Variants in HTR4 observed in about 807,000 individuals in gnomAD.
HTR4 encodes the protein 5-hydroxytryptamine (serotonin) receptor 4, G protein-coupled.
A neutral mutation model predicts 36.8 loss-of-function variants in HTR4; 16 were observed. That is an observed-to-expected ratio of 0.43 (90% CI 0.29 to 0.66). The LOEUF is 0.66. Among genes scored for constraint, HTR4 ranks in the 30% least tolerant of loss-of-function variants. The probability of loss-of-function intolerance (pLI) is 0.13; values close to 1 mark genes in which losing one functional copy is unlikely to be tolerated. For missense variants in HTR4, 438 were observed against 490.9 expected (o/e 0.89, Z 1.02); for synonymous variants, 189 against 185.1 (o/e 1.02, Z -0.17).
chr5:148,474,863 C>T (rs1231239978), downstream of HTR4, among the ~76,000 whole-genome samples: 2 of 151,972 alleles, frequency 1.3e-5, no homozygotes, highest in Admixed American at 6.6e-5. Flanking sequence ...CTGGGCAACA[C>T]GGTGAAACCC....
chr5:148,653,974 C>T, intron 1 of HTR4, 88 bp downstream of exon 1: 1 of 848,220 alleles, frequency 1.2e-6, no homozygotes, highest in South Asian at 5.3e-5. Flanking sequence ...AGCCCCCGAC[C>T]CCGTCGTGCT....
downstream of HTR4, among the ~76,000 whole-genome samples, chr5:148,479,640 A>T (rs1581355382): frequency 6.6e-6 from 1 of 152,340 alleles, no homozygotes; most frequent in African/African-American, 2.4e-5. Context: ...CCATGTAAAC[A>T]AAGTTAGAAT....
At chr5:148,574,695 A>G (rs1760820327) in intron 2 of HTR4, among the ~76,000 whole-genome samples, 1 of 151,994 alleles carries the variant, frequency 6.6e-6, no homozygotes, top group African/African-American at 2.4e-5. Context: ...TCACACCACC[A>G]CTACTTGCTG....
At chr5:148,552,649 C>A (rs551916038) in intron 2 of HTR4, among the ~76,000 whole-genome samples, 24 of 152,308 alleles carry the variant, frequency 1.6e-4, no homozygotes, top group African/African-American at 5.5e-4. Flanking sequence ...TGTACCACAG[C>A]CAACAAACAT....
At chr5:148,588,826 G>A (rs918310969) in intron 2 of HTR4, among the ~76,000 whole-genome samples, 1 of 151,568 alleles carries the variant, frequency 6.6e-6, no homozygotes, top group Non-Finnish European at 1.5e-5. Flanking sequence ...AGGCGTGAGG[G>A]TTTTAATTCT....
intron 2 of HTR4, among the ~76,000 whole-genome samples, chr5:148,589,944 A>T (rs1761494922): frequency 6.6e-6 from 1 of 152,170 alleles, no homozygotes. Flanking sequence ...GAACTCCAGA[A>T]GTATTTATTT....
intron 2 of HTR4, among the ~76,000 whole-genome samples, chr5:148,602,229 C>T (rs561983605): frequency 2.0e-5 from 3 of 152,098 alleles, no homozygotes; most frequent in South Asian, 4.2e-4. Flanking sequence ...GATGGTTTCA[C>T]GGGTGTATAC....
At chr5:148,515,840 T>A (rs1448271464) in intron 5 of HTR4, among the ~76,000 whole-genome samples, 1 of 151,952 alleles carries the variant, frequency 6.6e-6, no homozygotes, top group Non-Finnish European at 1.5e-5. Flanking sequence ...TTCTTGAATC[T>A]CTGACTGATG....
At chr5:148,460,533 C>A (rs1309244120) in intron 5 of HTR4, among the ~76,000 whole-genome samples, 1 of 151,958 alleles carries the variant, frequency 6.6e-6, no homozygotes, top group Non-Finnish European at 1.5e-5. Context: ...GAATTCCAAC[C>A]CTGTGAAATT....
chr5:148,465,259 G>A lies in HTR4; in HGVS notation c.1077-13987C>T, dbSNP rs573994472. Among the ~76,000 whole-genome samples, 5 of 152,140 alleles carry A rather than the reference G, an allele frequency of 3.3e-5. No homozygotes were observed. In the East Asian group the frequency reaches 5.8e-4, roughly 18 times the overall value. On this transcript the variant is annotated intron_variant, in intron 5 of 5. Transcript: ENST00000521530. The stretch of plus-strand genomic sequence containing the variant: ...AGGGTGATAATAATGTGTCAATATA[G>A]GTTCATCAGTTGTAACTAATTTACC...
rs771888963 is a variant in HTR4, at chr5:148,636,979, G to A, written c.26+10C>T. 1 of 1,556,958 alleles carries A rather than the reference G, an allele frequency of 6.4e-7. No individual in the cohort carries two copies. Among genetic ancestry groups the A allele is most frequent in the African/African-American group, 1.4e-5 (1 of 73,704 alleles). On this transcript the variant is annotated intron_variant, in intron 2 of 6. Transcript: ENST00000377888. ...GTTTACAACACAATATGTACAGAAA[G>A]GTAACATACCTCACATTAGCATCAA... is the stretch of plus-strand genomic sequence containing the variant.
downstream of HTR4, among the ~76,000 whole-genome samples, chr5:148,472,795 T>C (rs1263921529): frequency 2.0e-5 from 3 of 152,186 alleles, no homozygotes; most frequent in African/African-American, 4.8e-5. Flanking sequence ...GTTTTACTTA[T>C]TGTACTCTGA....
intron 2 of HTR4, among the ~76,000 whole-genome samples, chr5:148,568,443 C>A (rs1420281558): frequency 1.3e-5 from 2 of 152,070 alleles, no homozygotes; most frequent in African/African-American, 4.8e-5. Flanking sequence ...ATTTACCATG[C>A]TTGGCCATGG....
chr5:148,557,481 T>G (rs1760007003), intron 2 of HTR4, among the ~76,000 whole-genome samples: 1 of 152,012 alleles, frequency 6.6e-6, no homozygotes, highest in African/African-American at 2.4e-5. Flanking sequence ...GGCAATTGGA[T>G]GTATGTGTGT....
chr5:148,507,291 G>A (rs1285192157), intron 6 of HTR4, among the ~76,000 whole-genome samples: 3 of 145,864 alleles, frequency 2.1e-5, no homozygotes, highest in African/African-American at 5.1e-5. Context: ...ACCAAACGCC[G>A]CATATTCTCT....
At chr5:148,474,458 T>C (rs899654623), downstream of HTR4, among the ~76,000 whole-genome samples, 3 of 152,120 alleles carry the variant, frequency 2.0e-5, no homozygotes, top group Non-Finnish European at 4.4e-5. Context: ...ATTCAGGGAA[T>C]GAAATGACGT....
chr5:148,464,915 C>A (rs942494901), intron 5 of HTR4, among the ~76,000 whole-genome samples: 1 of 152,092 alleles, frequency 6.6e-6, no homozygotes, highest in East Asian at 1.9e-4. Context: ...GCTATCAAAC[C>A]ATGAACAGAC....
chr5:148,642,751 A>G (rs938266153), intron 1 of HTR4, among the ~76,000 whole-genome samples: 1 of 152,204 alleles, frequency 6.6e-6, no homozygotes, highest in Non-Finnish European at 1.5e-5. Context: ...GGAAGAAAAG[A>G]ATCCTCTCCT....
intron 2 of HTR4, among the ~76,000 whole-genome samples, chr5:148,600,540 A>G (rs966542358): frequency 5.9e-5 from 9 of 151,784 alleles, no homozygotes; most frequent in Admixed American, 6.6e-5. Flanking sequence ...AAAATACAAG[A>G]TCAACACACA....
Sources: gnomAD v4.1 joint callset for allele counts (sites outside exome capture counted in the v4.1 genomes callset) on GRCh38, gnomAD v4.1.1 for gene constraint, MANE v1.5 for transcripts, NCBI Gene and HGNC (gene_info 2026-07-23, HGNC 2026-07-21) for gene names.